EYS: variants seen among roughly 807,000 people sequenced by gnomAD.
The protein encoded by EYS is protein eyes shut homolog.
Under a neutral mutation model 282.1 loss-of-function variants are expected in EYS, and 250 were observed. The ratio of observed to expected loss-of-function variants is 0.89; its 90% confidence interval spans 0.80 to 0.98. EYS has a LOEUF of 0.98. Among genes scored for constraint, EYS ranks in the 50% least tolerant of loss-of-function variants. The pLI is 0.00. For synonymous variants in EYS, 1,355 were observed against 1,282.9 expected, an observed-to-expected ratio of 1.06 and a Z score of -1.20; for missense variants, 4,016 against 3,709.0, an observed-to-expected ratio of 1.08 and a Z score of -2.15.
chr6:63,794,025 C>G (rs911632835), intron 37 of EYS, among the ~76,000 whole-genome samples: 2 of 152,168 alleles, frequency 1.3e-5, no homozygotes, highest in African/African-American at 4.8e-5. Flanking sequence ...TAAACACTGT[C>G]CATGCAGCAG....
intron 36 of EYS, among the ~76,000 whole-genome samples, chr6:63,846,224 C>T (rs543918480): frequency 1.5e-3 from 232 of 152,284 alleles, no homozygotes; most frequent in African/African-American, 5.1e-3. Context: ...ACAACCCTGA[C>T]GTGTATTTAG....
At chr6:64,177,183 T>C (rs551539426) in intron 31 of EYS, among the ~76,000 whole-genome samples, 2 of 151,898 alleles carry the variant, frequency 1.3e-5, no homozygotes, top group South Asian at 4.2e-4. Flanking sequence ...CTATAATTAA[T>C]ACATATATGA....
At chr6:64,336,365 G>C (rs1333712032) in intron 29 of EYS, among the ~76,000 whole-genome samples, 2 of 151,998 alleles carry the variant, frequency 1.3e-5, no homozygotes, top group Admixed American at 6.6e-5. Flanking sequence ...CAAAGAAACA[G>C]CAGTTAAAAG....
At chr6:63,724,178 A>T (rs760538631) in intron 42 of EYS, among the ~76,000 whole-genome samples, 4 of 152,164 alleles carry the variant, frequency 2.6e-5, no homozygotes, top group African/African-American at 4.8e-5. Flanking sequence ...TAGGATAAAG[A>T]TCATAAATGA....
intron 8 of EYS, among the ~76,000 whole-genome samples, chr6:65,371,202 G>C (rs1765128972): frequency 6.6e-6 from 1 of 151,832 alleles, no homozygotes; most frequent in Middle Eastern, 3.4e-3. Flanking sequence ...TCAAAATACA[G>C]TATAACAACA....
chr6:64,981,334 C>A (rs1770657739), intron 14 of EYS, among the ~76,000 whole-genome samples: 1 of 151,232 alleles, frequency 6.6e-6, no homozygotes, highest in African/African-American at 2.4e-5. Context: ...ACTGACTTCC[C>A]TCTTTTTAGA....
chr6:65,018,810 G>C (rs184317825), intron 13 of EYS, among the ~76,000 whole-genome samples: 123 of 152,136 alleles, frequency 8.1e-4, no homozygotes, highest in Non-Finnish European at 1.4e-3. Flanking sequence ...TGCATACCCT[G>C]TGTGCATATG....
At chr6:64,755,109 C>T (rs2149973193) in intron 22 of EYS, among the ~76,000 whole-genome samples, 1 of 152,114 alleles carries the variant, frequency 6.6e-6, no homozygotes, top group East Asian at 1.9e-4. Context: ...GATAAAAAAT[C>T]AACATACAAA....
At chr6:64,335,347 T>C (rs952554553) in intron 29 of EYS, among the ~76,000 whole-genome samples, 1 of 141,238 alleles carries the variant, frequency 7.1e-6, no homozygotes, top group Admixed American at 7.8e-5. Context: ...CAACTCCACA[T>C]TCCTCAAAGT....
intron 26 of EYS, among the ~76,000 whole-genome samples, chr6:64,460,055 G>T (rs1775693016): frequency 6.6e-6 from 1 of 151,680 alleles, no homozygotes; most frequent in Non-Finnish European, 1.5e-5. Flanking sequence ...GGAGCCCATT[G>T]TTTCAATGCC....
intron 19 of EYS, among the ~76,000 whole-genome samples, chr6:64,874,552 G>A (rs9354183): frequency 0.16 from 23,595 of 151,900 alleles, 2,156 homozygotes; most frequent in East Asian, 0.49. Flanking sequence ...CTTAAGATGG[G>A]GGCTTGTGTG....
At chr6:65,160,355 A>G (rs2150221072) in intron 12 of EYS, among the ~76,000 whole-genome samples, 1 of 151,012 alleles carries the variant, frequency 6.6e-6, no homozygotes, top group Admixed American at 6.6e-5. Flanking sequence ...AATACTTTGC[A>G]TATTGTTTTT....
intron 8 of EYS, among the ~76,000 whole-genome samples, chr6:65,354,248 T>G (rs572396069): frequency 2.0e-5 from 3 of 152,206 alleles, no homozygotes; most frequent in African/African-American, 7.2e-5. Flanking sequence ...ATTTAAGCCC[T>G]AGAGACAAAC....
chr6:64,391,655 C>G (rs1179305169), intron 28 of EYS, among the ~76,000 whole-genome samples: 2 of 152,092 alleles, frequency 1.3e-5, no homozygotes, highest in African/African-American at 4.8e-5. Context: ...CAACCCGTAC[C>G]AGCCGCTGCA....
At chr6:63,957,350 C>T (rs1765871487) in intron 35 of EYS, among the ~76,000 whole-genome samples, 1 of 140,796 alleles carries the variant, frequency 7.1e-6, no homozygotes, top group South Asian at 2.3e-4. Context: ...TTGGCCTCAG[C>T]TCAGAGCTTG....
chr6:64,458,400 CT>C (rs34405725), intron 26 of EYS, among the ~76,000 whole-genome samples: 42,063 of 151,702 alleles, frequency 0.28, 5,943 homozygotes, highest in East Asian at 0.46. Flanking sequence ...TTAGAAAAGT[CT>C]TATTTCTCCT....
intron 12 of EYS, among the ~76,000 whole-genome samples, chr6:65,152,647 G>C (rs377459578): frequency 6.6e-6 from 1 of 151,850 alleles, no homozygotes; most frequent in Non-Finnish European, 1.5e-5. Flanking sequence ...CCATTAGTTT[G>C]TGGTATTTTG....
chr6:64,893,753 G>A (rs1010236001), intron 18 of EYS, among the ~76,000 whole-genome samples: 1 of 151,736 alleles, frequency 6.6e-6, no homozygotes, highest in Non-Finnish European at 1.5e-5. Flanking sequence ...TCATGTTGCT[G>A]AAATATTTTT....
intron 10 of EYS, among the ~76,000 whole-genome samples, chr6:65,339,595 T>C (rs1463017462): frequency 6.6e-6 from 1 of 151,176 alleles, no homozygotes; most frequent in Non-Finnish European, 1.5e-5. Flanking sequence ...CTATTCACAG[T>C]TTCAGGCATA....
Sources: allele counts gnomAD v4.1 joint callset (sites outside exome capture counted in the v4.1 genomes callset), GRCh38; gene constraint gnomAD v4.1.1; transcripts MANE v1.5; gene names NCBI Gene and HGNC (gene_info 2026-07-23, HGNC 2026-07-21).